The following SLC9A9 variants were observed in gnomAD, a reference collection of about 807,000 sequenced individuals.
SLC9A9 encodes the protein solute carrier family 9 member A9.
A neutral mutation model predicts 77.8 loss-of-function variants in SLC9A9; 62 were observed. The ratio of observed to expected loss-of-function variants is 0.80; its 90% confidence interval spans 0.65 to 0.98. The LOEUF (loss-of-function observed/expected upper bound fraction) is 0.98. Ranked by LOEUF, SLC9A9 falls within the 50% of genes least tolerant of loss-of-function variation. SLC9A9 has a pLI of 0.00. For missense variants in SLC9A9, 775 were observed against 774.9 expected, an observed-to-expected ratio of 1.00 and a Z score of 0.00; for synonymous variants, 320 against 283.5, an observed-to-expected ratio of 1.13 and a Z score of -1.29.
chr3:143,280,324 C>T (rs369877632), intron 14 of SLC9A9, among the ~76,000 whole-genome samples: 23 of 152,230 alleles, frequency 1.5e-4, no homozygotes, highest in African/African-American at 5.3e-4. Context: ...GTTTGTTATA[C>T]GAATCCAGGT....
In SLC9A9 at chr3:143,266,420, C is replaced by T. The variant is rs1937717478; in HGVS notation, c.*282G>A. The T allele has an allele frequency of 5.4e-6, 3 of 552,236 alleles. No individual in the cohort carries two copies. The South Asian group carries it at 6.2e-5, about 11-fold the overall frequency. The allele number at this position is 552,236 out of a possible 1,614,324, so 34.2% of individuals were successfully genotyped here. On this transcript the variant is annotated 3_prime_UTR_variant, in exon 16 of 16. Transcript: ENST00000316549. ...TGAAGACCCAGCACAGCTGTCCCATCCTCCAGCAGCTAGACTCCTGATACC... is the reference window on the plus strand; with the variant it reads ...TGAAGACCCAGCACAGCTGTCCCATTCTCCAGCAGCTAGACTCCTGATACC...
At chr3:143,311,222 C>T (rs2108437447) in intron 14 of SLC9A9, among the ~76,000 whole-genome samples, 1 of 152,334 alleles carries the variant, frequency 6.6e-6, no homozygotes, top group Non-Finnish European at 1.5e-5. Flanking sequence ...CCCAGCATCT[C>T]TCTATTGGGT....
chr3:143,374,975 T>C (rs2033149085), intron 13 of SLC9A9, among the ~76,000 whole-genome samples: 1 of 152,154 alleles, frequency 6.6e-6, no homozygotes, highest in South Asian at 2.1e-4. Context: ...TTCTACTCTC[T>C]AGATCCATGA....
At chr3:143,810,185 T>C (rs1020824436) in intron 2 of SLC9A9, among the ~76,000 whole-genome samples, 2 of 152,338 alleles carry the variant, frequency 1.3e-5, no homozygotes, top group East Asian at 3.9e-4. Flanking sequence ...CCCAGACATA[T>C]ATTTACAGAG....
chr3:143,726,165 C>T (rs1934646143), intron 4 of SLC9A9, among the ~76,000 whole-genome samples: 2 of 149,752 alleles, frequency 1.3e-5, no homozygotes, highest in African/African-American at 4.9e-5. Context: ...CAGTAAACCA[C>T]CATGACACAC....
intron 4 of SLC9A9, among the ~76,000 whole-genome samples, chr3:143,702,387 C>T (rs1298252540): frequency 6.6e-6 from 1 of 151,884 alleles, no homozygotes; most frequent in Non-Finnish European, 1.5e-5. Flanking sequence ...CCGTAATACA[C>T]AAATTGAAAA....
intron 8 of SLC9A9, among the ~76,000 whole-genome samples, chr3:143,564,314 T>C (rs1276198884): frequency 1.3e-5 from 2 of 152,184 alleles, no homozygotes; most frequent in Non-Finnish European, 2.9e-5. Flanking sequence ...ACATGAAGCA[T>C]GCTCTACCTT....
rs374774143 is a variant in SLC9A9, at chr3:143,283,429, CT to C, written c.1605-14450del. 9.8e-5 allele frequency among the ~76,000 whole-genome samples: 15 copies of C among 152,306 alleles called. 1 individual carries two copies. Among genetic ancestry groups the C allele is most frequent in the South Asian group, 2.1e-4 (1 of 4,822 alleles). ...TCCTGTATATACAATCTCACTCCCC[CT>C]GGAAAGCCCTAGAGGAGACTGCCTG... is the stretch of plus-strand genomic sequence containing the variant. On this transcript the variant is annotated intron_variant, in intron 14 of 15. Transcript: ENST00000316549.
intron 4 of SLC9A9, among the ~76,000 whole-genome samples, chr3:143,791,136 A>C (rs187116299): frequency 2.0e-3 from 304 of 152,342 alleles, no homozygotes; most frequent in African/African-American, 6.9e-3. Context: ...AAGGAGATGG[A>C]TTTAAAATAC....
chr3:143,835,613 T>C (rs4286430), intron 1 of SLC9A9, among the ~76,000 whole-genome samples: 145,192 of 152,372 alleles, frequency 0.95, 69,247 homozygotes, highest in East Asian at 1. Context: ...TAAAGTAGGA[T>C]GGCTAGTAGA....
intron 4 of SLC9A9, among the ~76,000 whole-genome samples, chr3:143,709,337 C>A (rs1934079502): frequency 6.6e-6 from 1 of 151,962 alleles, no homozygotes; most frequent in African/African-American, 2.4e-5. Context: ...CAGTCAGGGG[C>A]CAGAATAAGT....
chr3:143,453,023 T>C (rs377614366), intron 12 of SLC9A9, among the ~76,000 whole-genome samples: 2 of 152,090 alleles, frequency 1.3e-5, no homozygotes, highest in East Asian at 3.9e-4. Flanking sequence ...TGTATATATA[T>C]GGAAAGGCAA....
intron 2 of SLC9A9, among the ~76,000 whole-genome samples, chr3:143,816,216 A>T (rs1020633366): frequency 3.3e-5 from 5 of 152,122 alleles, no homozygotes; most frequent in South Asian, 2.1e-4. Context: ...TTACTTTATT[A>T]TATTCGAGAC....
At chr3:143,578,016 C>T (rs115782906) in intron 7 of SLC9A9, among the ~76,000 whole-genome samples, 85 of 152,292 alleles carry the variant, frequency 5.6e-4, no homozygotes, top group African/African-American at 2.0e-3. Context: ...CTAACAACAA[C>T]AAAAAGGAAT....
intron 9 of SLC9A9, among the ~76,000 whole-genome samples, chr3:143,537,242 A>C (rs992624498): frequency 6.6e-6 from 1 of 152,232 alleles, no homozygotes; most frequent in Non-Finnish European, 1.5e-5. Flanking sequence ...GACTAAATAA[A>C]TTAGAAATCC....
intron 12 of SLC9A9, among the ~76,000 whole-genome samples, chr3:143,456,744 T>C (rs149730964): frequency 0.013 from 2,053 of 152,118 alleles, 49 homozygotes; most frequent in African/African-American, 0.046. Flanking sequence ...TTTGTATTTT[T>C]AATAGAGACG....
At chr3:143,571,668 C>T (rs762898998) in intron 8 of SLC9A9, among the ~76,000 whole-genome samples, 4 of 152,084 alleles carry the variant, frequency 2.6e-5, no homozygotes, top group Non-Finnish European at 4.4e-5. Flanking sequence ...TATAACTCAT[C>T]ATGTTCCCCT....
intron 6 of SLC9A9, among the ~76,000 whole-genome samples, chr3:143,601,793 C>A (rs1450467615): frequency 6.6e-6 from 1 of 152,128 alleles, no homozygotes; most frequent in Non-Finnish European, 1.5e-5. Flanking sequence ...TGATCACTGC[C>A]CCTTCTATAG....
intron 4 of SLC9A9, among the ~76,000 whole-genome samples, chr3:143,793,151 ATC>A (rs2008271809): frequency 6.6e-6 from 1 of 152,192 alleles, no homozygotes; most frequent in Non-Finnish European, 1.5e-5. Context: ...ACAATTTAAA[ATC>A]TGTTTTAAAA....
Sources: gnomAD v4.1 joint callset for allele counts (sites outside exome capture counted in the v4.1 genomes callset) on GRCh38, gnomAD v4.1.1 for gene constraint, MANE v1.5 for transcripts, NCBI Gene and HGNC (gene_info 2026-07-23, HGNC 2026-07-21) for gene names.